The following ROBO1 variants were observed in gnomAD, a reference collection of about 807,000 sequenced individuals.
The protein encoded by ROBO1 is roundabout homolog 1.
In ROBO1, 149 loss-of-function variants were observed where a neutral mutation model predicts 195.9. The ratio of observed to expected loss-of-function variants is 0.76; its 90% CI spans 0.67 to 0.87. The LOEUF (loss-of-function observed/expected upper bound fraction) is 0.87, where lower values mean the gene tolerates loss of function less well. ROBO1 is among the 40% of genes least tolerant of loss of function. ROBO1 has a pLI of 0.00. For synonymous variants in ROBO1, 816 were observed against 733.2 expected (o/e 1.11, Z -1.82); for missense variants, 1,933 against 2,068.3 (o/e 0.93, Z 1.27).
At chr3:78,841,584 G>A (rs1020931683) in intron 4 of ROBO1, among the ~76,000 whole-genome samples, 1 of 152,042 alleles carries the variant, frequency 6.6e-6, no homozygotes, top group Non-Finnish European at 1.5e-5. Flanking sequence ...TAAGCCCTGG[G>A]CATAGGGAAG....
intron 2 of ROBO1, among the ~76,000 whole-genome samples, chr3:79,587,866 GC>G (rs1419556910): frequency 6.6e-6 from 1 of 151,680 alleles, no homozygotes. Flanking sequence ...CTAGATGGAG[GC>G]AGTTATGAAA....
chr3:79,558,587 T>C (rs1942796932), intron 2 of ROBO1, among the ~76,000 whole-genome samples: 1 of 152,162 alleles, frequency 6.6e-6, no homozygotes, highest in African/African-American at 2.4e-5. Context: ...TCCTCCATTT[T>C]TCATGGGTAA....
intron 2 of ROBO1, among the ~76,000 whole-genome samples, chr3:79,304,714 C>A (rs539577593): frequency 6.6e-6 from 1 of 152,168 alleles, no homozygotes; most frequent in African/African-American, 2.4e-5. Flanking sequence ...ATTATTATAC[C>A]ATGTTTACTC....
In ROBO1 at chr3:78,667,956, A is replaced by C. The variant is rs1404709239; in HGVS notation, c.1893T>G (p.Leu631=). The C allele has an allele frequency of 6.2e-7, 1 of 1,613,820 alleles. No individual in the cohort carries two copies. Among genetic ancestry groups the C allele is most frequent in the East Asian group, 2.2e-5 (1 of 44,876 alleles). Residue 631 remains leucine, a synonymous_variant, in exon 14 of 31, where the codon CTT becomes CTG. Transcript: ENST00000464233. ...IKGLKPNAIY[L]FLVRAANAYG... is the part of the protein sequence containing the mutation. ...ATGCATTAGCTGCCCTCACAAGGAA[A>C]AGGTAAATTGCATTAGGTTTGAGTC...
chr3:79,525,537 CAG>C (rs1404961879), intron 2 of ROBO1, among the ~76,000 whole-genome samples: 1 of 137,582 alleles, frequency 7.3e-6, no homozygotes, highest in African/African-American at 2.8e-5. Flanking sequence ...ATTTATACTT[CAG>C]ATATATATAT....
intron 18 of ROBO1, among the ~76,000 whole-genome samples, chr3:78,653,444 G>A (rs1429661990): frequency 6.6e-6 from 1 of 152,142 alleles, no homozygotes; most frequent in African/African-American, 2.4e-5. Flanking sequence ...GAACCCACCA[G>A]TAGGAACTCC....
chr3:78,751,272 G>T (rs1043544414), intron 4 of ROBO1, among the ~76,000 whole-genome samples: 1 of 151,836 alleles, frequency 6.6e-6, no homozygotes, highest in Non-Finnish European at 1.5e-5. Flanking sequence ...CTCCTCGGGG[G>T]AGAGGAGCAT....
At chr3:79,445,951 C>G (rs921193943) in intron 2 of ROBO1, among the ~76,000 whole-genome samples, 3 of 152,038 alleles carry the variant, frequency 2.0e-5, no homozygotes, top group African/African-American at 7.2e-5. Flanking sequence ...CGCGCCCGGC[C>G]AGGCCTGGCA....
At chr3:78,852,111 G>C (rs2034105112) in intron 4 of ROBO1, among the ~76,000 whole-genome samples, 1 of 151,894 alleles carries the variant, frequency 6.6e-6, no homozygotes, top group Non-Finnish European at 1.5e-5. Context: ...TCAGTTCCTA[G>C]GAAATGAAAC....
At chr3:78,875,767 G>A (rs1341787153) in intron 4 of ROBO1, among the ~76,000 whole-genome samples, 2 of 152,106 alleles carry the variant, frequency 1.3e-5, no homozygotes, top group Non-Finnish European at 1.5e-5. Flanking sequence ...CCCACCTGGA[G>A]ATTAAAAGCA....
rs186599877 is a variant in ROBO1 at position 79,003,106 on chromosome 3, G to C, written c.173-64179C>G. On this transcript the variant is annotated intron_variant, in intron 3 of 30. Coordinates refer to ENST00000464233, the MANE Select transcript of ROBO1 (RefSeq NM_002941.4). ...AAATGTGGGAGTGGGGAAGCAAGCTGATATAGCCTCTAATTGTTGGCATTT... is the reference window on the plus strand; with the variant it reads ...AAATGTGGGAGTGGGGAAGCAAGCTCATATAGCCTCTAATTGTTGGCATTT... Among the ~76,000 whole-genome samples, 3 of 152,304 alleles carry C rather than the reference G, an allele frequency of 2.0e-5. No individual in the cohort carries two copies. In the East Asian group the frequency reaches 5.8e-4, roughly 29 times the overall value.
At position 78,617,862 on chromosome 3, in the gene ROBO1, T is replaced by A. The variant is rs972295276; in HGVS notation, c.4055A>T (p.Glu1352Val). 6.2e-7 allele frequency: 1 copy of A among 1,613,880 alleles called. No individual in the cohort carries two copies. Among genetic ancestry groups the A allele is most frequent in the Admixed American group, 1.7e-5 (1 of 60,004 alleles). Residue 1352 changes from glutamate (E) to valine (V), a missense_variant, in exon 27 of 31, where the codon GAG (glutamate) becomes GTG (valine). Physicochemically the swap from Glu to Val is moderately radical, Grantham distance 121. This residue lies in a region of ROBO1 where 1,737 missense variants were observed against 1,882.5 expected (regional missense o/e 0.92). Transcript: ENST00000464233. ...QTRRLLLRGL[E>V]QTPASSVGDL... The stretch of plus-strand genomic sequence containing the variant: ...CCCAACACTGGAGGCAGGTGTCTGC[T>A]CAAGCCCACGTAACAAAAGCCTTCT...
At chr3:79,036,382 T>C (rs1215795355) in intron 3 of ROBO1, among the ~76,000 whole-genome samples, 4 of 152,140 alleles carry the variant, frequency 2.6e-5, no homozygotes, top group Admixed American at 2.0e-4. Context: ...TCTGGTTCTC[T>C]GTGGCAGAAA....
intron 2 of ROBO1, among the ~76,000 whole-genome samples, chr3:79,557,741 A>C (rs60955466): frequency 9.4e-6 from 1 of 105,972 alleles, no homozygotes; most frequent in Non-Finnish European, 1.9e-5. Context: ...AAAACAAAAA[A>C]AAATATATAT....
intron 2 of ROBO1, among the ~76,000 whole-genome samples, chr3:79,223,267 A>C (rs549839722): frequency 6.6e-6 from 1 of 152,248 alleles, no homozygotes; most frequent in Non-Finnish European, 1.5e-5. Flanking sequence ...CACAGAAAAA[A>C]TTATTTCTGA....
intron 4 of ROBO1, among the ~76,000 whole-genome samples, chr3:78,891,871 C>T (rs981402994): frequency 1.3e-5 from 2 of 152,096 alleles, no homozygotes; most frequent in Non-Finnish European, 2.9e-5. Flanking sequence ...TCATATGAAG[C>T]TAAAGAAAAG....
intron 8 of ROBO1, among the ~76,000 whole-genome samples, chr3:78,697,921 C>A (rs1237594582): frequency 6.6e-6 from 1 of 152,034 alleles, no homozygotes; most frequent in African/African-American, 2.4e-5. Flanking sequence ...CAGAGAACAG[C>A]TGCTTTTTTT....
chr3:79,409,937 T>C (rs1353398409), intron 2 of ROBO1, among the ~76,000 whole-genome samples: 1 of 152,152 alleles, frequency 6.6e-6, no homozygotes, highest in Non-Finnish European at 1.5e-5. Context: ...TTTGCACATA[T>C]ATATATACAC....
intron 2 of ROBO1, among the ~76,000 whole-genome samples, chr3:79,434,943 C>G (rs1015021156): frequency 6.6e-6 from 1 of 152,104 alleles, no homozygotes; most frequent in African/African-American, 2.4e-5. Flanking sequence ...AACCATCATT[C>G]TCAGCAAACT....
Sources: allele counts gnomAD v4.1 joint callset (sites outside exome capture counted in the v4.1 genomes callset), GRCh38; gene constraint gnomAD v4.1.1; regional missense constraint gnomAD v4.1.1; transcripts MANE v1.5; gene names NCBI Gene and HGNC (gene_info 2026-07-23, HGNC 2026-07-21).